Variants in EGFLAM observed in about 807,000 individuals in gnomAD.
EGFLAM encodes the protein EGF like, fibronectin type III and laminin G domains.
A neutral mutation model predicts 113.1 loss-of-function variants in EGFLAM; 79 were observed. The observed-to-expected ratio is 0.70, with a 90% CI of 0.58 to 0.84. EGFLAM has a LOEUF of 0.84. Ranked by LOEUF, EGFLAM falls within the 40% of genes least tolerant of loss-of-function variation. The probability of loss-of-function intolerance (pLI) is 0.00; values close to 1 mark genes in which losing one functional copy is unlikely to be tolerated. For missense variants in EGFLAM, 1,265 were observed against 1,291.6 expected (o/e 0.98, Z 0.32); for synonymous variants, 504 against 487.6 (o/e 1.03, Z -0.44).
chr5:38,366,853 C>G (rs1740073632), intron 5 of EGFLAM, among the ~76,000 whole-genome samples: 1 of 152,162 alleles, frequency 6.6e-6, no homozygotes, highest in Non-Finnish European at 1.5e-5. Flanking sequence ...ACACTTGGAC[C>G]AAATGATCTC....
intron 1 of EGFLAM, among the ~76,000 whole-genome samples, chr5:38,265,491 A>T (rs1040526088): frequency 3.9e-5 from 6 of 152,234 alleles, no homozygotes; most frequent in African/African-American, 1.4e-4. Flanking sequence ...GTCAAGCTGC[A>T]CATCTTAGAG....
At chr5:38,462,400 G>A (rs1743312928) in intron 20 of EGFLAM, among the ~76,000 whole-genome samples, 2 of 152,250 alleles carry the variant, frequency 1.3e-5, no homozygotes, top group African/African-American at 2.4e-5. Context: ...GCGGTTGACC[G>A]TTTGCTTGGG....
At chr5:38,326,326 C>T (rs571565787) in intron 1 of EGFLAM, among the ~76,000 whole-genome samples, 75 of 152,196 alleles carry the variant, frequency 4.9e-4, no homozygotes, top group Non-Finnish European at 2.1e-4. Flanking sequence ...CCTGTTCTAG[C>T]TGATGAGCAG....
chr5:38,432,637 C>A (rs1443989556), intron 15 of EGFLAM, among the ~76,000 whole-genome samples: 1 of 152,340 alleles, frequency 6.6e-6, no homozygotes, highest in South Asian at 2.1e-4. Flanking sequence ...CGAGAATACA[C>A]CTCGCTGTCT....
intron 1 of EGFLAM, among the ~76,000 whole-genome samples, chr5:38,290,079 T>A (rs1269428572): frequency 6.6e-6 from 1 of 152,106 alleles, no homozygotes; most frequent in East Asian, 1.9e-4. Context: ...TTAGTTTGGA[T>A]TTTTCCAAAA....
chr5:38,398,919 CT>C (rs200138040), intron 6 of EGFLAM, among the ~76,000 whole-genome samples: 7 of 150,570 alleles, frequency 4.6e-5, no homozygotes, highest in Non-Finnish European at 2.9e-5. Context: ...ATTAATAGCA[CT>C]TTTTTTGGCC....
At chr5:38,451,215 C>T (rs1486301911) in intron 18 of EGFLAM, 100 bp from the exon 19 acceptor site, 2 of 1,500,322 alleles carry the variant, frequency 1.3e-6, no homozygotes, top group Admixed American at 3.6e-5. Flanking sequence ...GCCAGACTAT[C>T]CTTACATCTG....
Position 38,438,278 on chromosome 5 carries a change from A to G in EGFLAM, c.2287A>G (p.Ile763Val), listed in dbSNP as rs369952716. 5.6e-6 allele frequency: 9 copies of G among 1,612,040 alleles called. No homozygotes were observed. Among genetic ancestry groups the G allele is most frequent in the African/African-American group, 4.0e-5 (3 of 74,912 alleles). ...KPFSGSIQKI[I>V]LNDRTIHVKH... ...CTTTATGTTTTTCTCTCTCAAGATCATCCTGAATGACCGAACCATCCATGT... is the reference window on the plus strand; with the variant it reads ...CTTTATGTTTTTCTCTCTCAAGATCGTCCTGAATGACCGAACCATCCATGT... The change falls in exon 17 of 22, where the codon ATC becomes GTC. Residue 763 changes from isoleucine to valine, a missense_variant. Transcript: ENST00000322350.
chr5:38,269,496 T>TG (rs990299168), intron 1 of EGFLAM, among the ~76,000 whole-genome samples: 6 of 150,886 alleles, frequency 4.0e-5, no homozygotes, highest in African/African-American at 1.5e-4. Context: ...TCTTTTCTTT[T>TG]TTTTTTTTTT....
intron 1 of EGFLAM, among the ~76,000 whole-genome samples, chr5:38,298,786 A>G (rs1234109054): frequency 6.6e-6 from 1 of 151,784 alleles, no homozygotes; most frequent in African/African-American, 2.4e-5. Context: ...CTGTAGTGTC[A>G]ACCTCCTGGG....
intron 19 of EGFLAM, among the ~76,000 whole-genome samples, chr5:38,455,538 A>T (rs1244819285): frequency 6.6e-6 from 1 of 152,168 alleles, no homozygotes; most frequent in Non-Finnish European, 1.5e-5. Context: ...ATGCTCCCTC[A>T]TTCTTCTCCC....
chr5:38,357,167 G>T (rs1385792516), intron 5 of EGFLAM, among the ~76,000 whole-genome samples: 2 of 152,168 alleles, frequency 1.3e-5, no homozygotes, highest in African/African-American at 4.8e-5. Context: ...GAGGCAGGAG[G>T]ATCACTTGAG....
chr5:38,376,690 G>A (rs987124553), intron 6 of EGFLAM, among the ~76,000 whole-genome samples: 22 of 152,198 alleles, frequency 1.4e-4, no homozygotes, highest in East Asian at 1.2e-3. Flanking sequence ...TTCTCAGATA[G>A]GCTTCTGGTT....
At chr5:38,318,807 G>A (rs558414753) in intron 1 of EGFLAM, among the ~76,000 whole-genome samples, 1 of 152,168 alleles carries the variant, frequency 6.6e-6, no homozygotes, top group South Asian at 2.1e-4. Flanking sequence ...CTTGCCCTCT[G>A]GTGTTTTAAT....
At chr5:38,448,707 T>C (rs1742806815) in intron 18 of EGFLAM, among the ~76,000 whole-genome samples, 1 of 152,116 alleles carries the variant, frequency 6.6e-6, no homozygotes, top group Admixed American at 6.5e-5. Context: ...ACAGTGAGAA[T>C]GTGATGTTCC....
intron 1 of EGFLAM, among the ~76,000 whole-genome samples, chr5:38,324,526 A>G (rs1738828525): frequency 2.0e-5 from 3 of 152,216 alleles, no homozygotes; most frequent in Admixed American, 2.0e-4. Flanking sequence ...GCTGTCCTCA[A>G]AATGCAAATG....
Position 38,357,480 on chromosome 5 carries a change from G to A in EGFLAM, c.545+5149G>A, listed in dbSNP as rs77117348. Among the ~76,000 whole-genome samples, 494 of 152,316 alleles carry A rather than the reference G, an allele frequency of 3.2e-3. 17 individuals are homozygous for A. In the East Asian group the frequency reaches 0.072, roughly 22 times the overall value. ...AGGATGAAAGGCTTTGGGTGGGGGA[G>A]GGGGTTGTCTGCAGTTATTTTATTT... On this transcript the variant is annotated intron_variant, in intron 5 of 21. Coordinates refer to ENST00000322350, the MANE Select transcript of EGFLAM (RefSeq NM_152403.4).
intron 17 of EGFLAM, among the ~76,000 whole-genome samples, chr5:38,442,588 C>T (rs1413494465): frequency 6.6e-6 from 1 of 151,886 alleles, no homozygotes; most frequent in Non-Finnish European, 1.5e-5. Context: ...AAGAGTGAAA[C>T]ATGCAAACAT....
At chr5:38,452,086 G>GAGTGC (rs1481345190) in intron 19 of EGFLAM, among the ~76,000 whole-genome samples, 1 of 145,268 alleles carries the variant, frequency 6.9e-6, no homozygotes, top group African/African-American at 2.6e-5. Context: ...GCCCAGGCCA[G>GAGTGC]AGTGCAGTGG....
Sources: allele counts gnomAD v4.1 joint callset (sites outside exome capture counted in the v4.1 genomes callset), GRCh38; gene constraint gnomAD v4.1.1; transcripts MANE v1.5; gene names NCBI Gene and HGNC (gene_info 2026-07-23, HGNC 2026-07-21).